DNAH7: variants seen among roughly 807,000 people sequenced by gnomAD.
DNAH7 encodes dynein axonemal heavy chain 7.
A neutral mutation model predicts 444.6 loss-of-function variants in DNAH7; 397 were observed. The observed-to-expected ratio is 0.89, with a 90% CI of 0.82 to 0.97. The LOEUF (loss-of-function observed/expected upper bound fraction) is 0.97. Ranked by LOEUF, DNAH7 falls within the 50% of genes least tolerant of loss-of-function variation. The pLI, the probability that DNAH7 is intolerant of heterozygous loss-of-function variation, is 0.00. For synonymous variants in DNAH7, 1,636 were observed against 1,624.4 expected (o/e 1.01, Z -0.17); for missense variants, 4,902 against 4,800.8 (o/e 1.02, Z -0.62).
rs753223167 is a variant in DNAH7 at position 195,936,714 on chromosome 2, T to C, written c.3157A>G (p.Ile1053Val). 4 of 1,604,674 alleles carry C rather than the reference T, an allele frequency of 2.5e-6. No homozygotes were observed. ...LKKSNELLEL[I>V]LKGLNEYLEK... ...AAATATTCATTAAGTCCTTTAAGAA[T>C]GAGCTCCAAAAGTTCATTAGATTTT... The change falls in exon 20 of 65, where the codon ATT (isoleucine) becomes GTT (valine). Residue 1053 changes from isoleucine (I) to valine (V), a missense_variant. Ile to Val is a conservative substitution (Grantham distance 29). Coordinates refer to ENST00000312428, the MANE Select transcript of DNAH7 (RefSeq NM_018897.3).
At chr2:195,752,416 C>T (rs946666679) in intron 63 of DNAH7, among the ~76,000 whole-genome samples, 1 of 152,066 alleles carries the variant, frequency 6.6e-6, no homozygotes, top group Admixed American at 6.6e-5. Context: ...ACTCATTTTA[C>T]ATATTCAGGA....
Position 195,872,266 on chromosome 2 carries a change from C to A in DNAH7, c.6617G>T (p.Arg2206Leu). 6.2e-7 allele frequency: 1 copy of A among 1,612,826 alleles called. No individual in the cohort carries two copies. The highest frequency in any genetic ancestry group is 8.5e-7 in the Non-Finnish European group (1 of 1,179,254). Residue 2206 changes from arginine to leucine, a missense_variant, in exon 40 of 65, where the codon CGT becomes CTT. By Grantham distance (102) the Arg-to-Leu change is moderately radical (BLOSUM62 -2). Coordinates refer to ENST00000312428, the MANE Select transcript of DNAH7 (RefSeq NM_018897.3). ...AAAATTTACCTCATGAACCCAAAGACGTTTAATCACTTCTGTGGTTTCTGT... is the reference window on the plus strand; with the variant it reads ...AAAATTTACCTCATGAACCCAAAGAAGTTTAATCACTTCTGTGGTTTCTGT... Reference protein sequence around the residue: ...ETTETTEVIKRLWVHEVLRVY... With the variant: ...ETTETTEVIKLLWVHEVLRVY...
rs1490121740 is a variant in DNAH7, at chr2:195,749,360, A to G, written c.11764+4977T>C. Among the ~76,000 whole-genome samples, 4 of 150,410 alleles carry G rather than the reference A, an allele frequency of 2.7e-5. No homozygotes were observed. In the East Asian group the frequency reaches 5.8e-4, roughly 22 times the overall value. On this transcript the variant is annotated intron_variant, in intron 63 of 64. Transcript: ENST00000312428. ...GGTGCTGGAGAGGATGTGGAGAAAT[A>G]GGAACACTTTTACACTGTTGGTGGG...
chr2:195,778,034 G>A, intron 58 of DNAH7, 49 bp from the exon 59 acceptor site: 1 of 1,431,372 alleles, frequency 7.0e-7, no homozygotes, highest in Non-Finnish European at 9.2e-7. Flanking sequence ...ATGTTATACA[G>A]AATCGTGTTT....
chr2:195,934,967 A>G (rs1261737608), intron 20 of DNAH7, among the ~76,000 whole-genome samples, 178 bp from the exon 21 acceptor site: 1 of 152,242 alleles, frequency 6.6e-6, no homozygotes, highest in East Asian at 1.9e-4. Flanking sequence ...CATGCATTAT[A>G]TAGTCCATTG....
intron 1 of DNAH7, among the ~76,000 whole-genome samples, chr2:196,066,294 T>A (rs929685520): frequency 2.0e-5 from 3 of 152,216 alleles, no homozygotes; most frequent in Admixed American, 2.0e-4. Context: ...CACGTTTGAG[T>A]TCTGGTTGTT....
chr2:195,821,816 T>C (rs558610370), intron 49 of DNAH7, among the ~76,000 whole-genome samples: 1 of 152,188 alleles, frequency 6.6e-6, no homozygotes, highest in Non-Finnish European at 1.5e-5. Context: ...GTGGGAGATA[T>C]CGTGTTTCCC....
intron 7 of DNAH7, among the ~76,000 whole-genome samples, chr2:196,025,576 A>G (rs1388677645): frequency 2.0e-5 from 3 of 152,158 alleles, no homozygotes; most frequent in African/African-American, 7.2e-5. Flanking sequence ...GTTCCCGACT[A>G]GACTGTTTTT....
intron 37 of DNAH7, 123 bp from the exon 38 acceptor site, chr2:195,875,966 G>C: frequency 1.2e-6 from 1 of 867,036 alleles, no homozygotes; most frequent in South Asian, 3.1e-5. Flanking sequence ...AGGAAGTGAT[G>C]GTTTCTTTTC....
At chr2:195,835,749 CAGG>C (rs1165195632) in intron 47 of DNAH7, among the ~76,000 whole-genome samples, 6 of 152,038 alleles carry the variant, frequency 3.9e-5, no homozygotes, top group Non-Finnish European at 8.8e-5. Flanking sequence ...GAGGCTGAGG[CAGG>C]AGAATTGTTT....
intron 37 of DNAH7, 95 bp from the exon 38 acceptor site, chr2:195,875,938 AT>A (rs1440200114): frequency 8.4e-7 from 1 of 1,194,114 alleles, no homozygotes; most frequent in Admixed American, 2.7e-5. Context: ...TTAGCTATCT[AT>A]TTGCAGAGTA....
chr2:195,775,981 G>A lies in DNAH7; in HGVS notation c.11067C>T (p.His3689=), dbSNP rs188018817. 8.2e-5 allele frequency: 133 copies of A among 1,613,542 alleles called. No homozygotes were observed. The African/African-American group carries it at 1.6e-3, about 19-fold the overall frequency. ...TCTTTGTGTATTCGATGTAGCTTTT[G>A]TGCTGCAGAGATGAATAACAAGAAG... The part of the protein sequence containing the change: ...GIYFVPPSGD[H]KSYIEYTKTL... Residue 3689 remains histidine, a splice_region_variant and synonymous_variant, in exon 60 of 65, where the codon CAC becomes CAT. Transcript: ENST00000312428.
chr2:195,846,930 A>G (rs1176991020), intron 46 of DNAH7, among the ~76,000 whole-genome samples: 1 of 141,936 alleles, frequency 7.0e-6, no homozygotes, highest in African/African-American at 2.8e-5. Context: ...AGTTAATACT[A>G]CGTAATAAAC....
In DNAH7 at chr2:195,857,293, C is replaced by T. The variant is rs75602649; in HGVS notation, c.8414+84G>A. 5.7e-3 allele frequency: 7,082 copies of T among 1,234,072 alleles called. 143 individuals are homozygous for T. In the East Asian group the frequency reaches 0.058, roughly 10 times the overall value. 76.4% of individuals were successfully genotyped at this position (1,234,072 alleles called of 1,614,324 possible). ...GATTTTCCAAGGAGCCTCTCACTTA[C>T]ATAACTTTTAAATTGTATATTTTCT... is the stretch of plus-strand genomic sequence containing the variant. On this transcript the variant is annotated intron_variant, in intron 44 of 64. Transcript: ENST00000312428.
At chr2:195,778,632 AT>A (rs869188538) in intron 58 of DNAH7, among the ~76,000 whole-genome samples, 32,848 of 56,518 alleles carry the variant, frequency 0.58, 11,490 homozygotes, top group East Asian at 0.7. Context: ...AAAAAAAAAA[AT>A]AAATAAATAA....
chr2:195,999,984 G>A (rs111870055), intron 12 of DNAH7, among the ~76,000 whole-genome samples: 181 of 152,304 alleles, frequency 1.2e-3, no homozygotes, highest in African/African-American at 4.3e-3. Context: ...AGATAAGGAT[G>A]TAAACAAGAA....
At chr2:195,873,539 T>TAAAA in intron 39 of DNAH7, 29 bp downstream of exon 39, 1 of 1,116,572 alleles carries the variant, frequency 9.0e-7, no homozygotes, top group Non-Finnish European at 1.2e-6. Flanking sequence ...ACCTCCTAAT[T>TAAAA]AAAAAAAAAA....
At chr2:195,806,422 C>G (rs1181301509) in intron 54 of DNAH7, among the ~76,000 whole-genome samples, 1 of 151,818 alleles carries the variant, frequency 6.6e-6, no homozygotes, top group Admixed American at 6.6e-5. Flanking sequence ...ACTAATTTCA[C>G]CAAAGTATTA....
chr2:195,751,096 A>G (rs1343606846), intron 63 of DNAH7, among the ~76,000 whole-genome samples: 1 of 152,128 alleles, frequency 6.6e-6, no homozygotes, highest in Non-Finnish European at 1.5e-5. Context: ...TTCCTTCTGT[A>G]TTTGTTTTAT....
Sources: gnomAD v4.1 joint callset for allele counts (sites outside exome capture counted in the v4.1 genomes callset) on GRCh38, gnomAD v4.1.1 for gene constraint, MANE v1.5 for transcripts, NCBI Gene and HGNC (gene_info 2026-07-23, HGNC 2026-07-21) for gene names.